The following C16orf96 variants were observed in gnomAD, a reference collection of about 807,000 sequenced individuals.
The protein encoded by C16orf96 is chromosome 16 open reading frame 96.
Under a neutral mutation model 103.6 loss-of-function variants are expected in C16orf96, and 108 were observed. The observed-to-expected ratio is 1.04, with a 90% confidence interval of 0.89 to 1.22. The LOEUF (loss-of-function observed/expected upper bound fraction) is 1.22. Among genes scored for constraint, C16orf96 ranks in the 50% most tolerant of loss-of-function variants. The pLI, the probability that C16orf96 is intolerant of heterozygous loss-of-function variation, is 0.00. For missense variants in C16orf96, 1,586 were observed against 1,464.2 expected, an observed-to-expected ratio of 1.08 and a Z score of -1.36; for synonymous variants, 566 against 593.5, an observed-to-expected ratio of 0.95 and a Z score of 0.67.
intron 14 of C16orf96, among the ~76,000 whole-genome samples, chr16:4,598,654 G>A (rs1897224048): frequency 6.6e-6 from 1 of 152,166 alleles, no homozygotes; most frequent in Non-Finnish European, 1.5e-5. Context: ...CAGGAAGATG[G>A]GGGCATTTAG....
chr16:4,587,287 G>A (rs375275693), intron 8 of C16orf96, among the ~76,000 whole-genome samples, 174 bp downstream of exon 8: 6 of 152,178 alleles, frequency 3.9e-5, no homozygotes, highest in Admixed American at 2.6e-4. Context: ...ACTTTGGGAG[G>A]CCAAGGCGGG....
chr16:4,586,598 T>C (rs1330120601), intron 7 of C16orf96, among the ~76,000 whole-genome samples: 2 of 152,178 alleles, frequency 1.3e-5, no homozygotes, highest in Non-Finnish European at 2.9e-5. Flanking sequence ...TGTGGAGTTG[T>C]GGGGATAGGA....
chr16:4,551,945 A>G (rs926792415), upstream of C16orf96, among the ~76,000 whole-genome samples: 1 of 151,852 alleles, frequency 6.6e-6, no homozygotes, highest in African/African-American at 2.4e-5. Context: ...CCGGTGTGTG[A>G]CATTCCCCTC....
chr16:4,587,224 A>G (rs189581682), intron 8 of C16orf96, 111 bp downstream of exon 8: 1 of 1,073,812 alleles, frequency 9.3e-7, no homozygotes, highest in Non-Finnish European at 1.4e-6. Context: ...CCCTTTGTTC[A>G]TATTGAAACC....
chr16:4,595,001 C>T lies in C16orf96; in HGVS notation c.3127+198C>T, dbSNP rs35097394. Among the ~76,000 whole-genome samples, 682 of 152,220 alleles carry T rather than the reference C, an allele frequency of 4.5e-3. 9 individuals are homozygous for T. The highest frequency in any genetic ancestry group is 0.015 in the African/African-American group (640 of 41,528). On this transcript the variant is annotated intron_variant, in intron 14 of 15. Transcript: ENST00000444310. ...CAATGGGGGAGGGAGACCGCGGGAGCGAGGATCTGCTGTTCCCGAGATCAA... is the reference window on the plus strand; with the variant it reads ...CAATGGGGGAGGGAGACCGCGGGAGTGAGGATCTGCTGTTCCCGAGATCAA...
chr16:4,580,318 C>CCA (rs762307164), intron 7 of C16orf96, among the ~76,000 whole-genome samples, 193 bp downstream of exon 7: 11 of 132,752 alleles, frequency 8.3e-5, no homozygotes, highest in Non-Finnish European at 1.6e-4. Context: ...CCACCCCCCC[C>CCA]CACCCATATA....
chr16:4,546,040 G>C, the C16orf96 span, among the ~76,000 whole-genome samples: 61,343 of 150,782 alleles, frequency 0.41, 14,111 homozygotes, highest in African/African-American at 0.64. Flanking sequence ...AGTAGAGATG[G>C]GGTTTCAGCA....
At chr16:4,584,431 T>C (rs1896869317) in intron 7 of C16orf96, among the ~76,000 whole-genome samples, 1 of 148,054 alleles carries the variant, frequency 6.8e-6, no homozygotes, top group East Asian at 2.0e-4. Context: ...CATTGTAACC[T>C]CCGCCTCCCG....
intron 1 of C16orf96, among the ~76,000 whole-genome samples, chr16:4,565,936 G>C (rs2141702464): frequency 6.6e-6 from 1 of 151,400 alleles, no homozygotes; most frequent in East Asian, 1.9e-4. Context: ...TCAAACTCCT[G>C]GTCTCAAGCG....
At chr16:4,540,720 C>G in the C16orf96 span, among the ~76,000 whole-genome samples, 1 of 151,716 alleles carries the variant, frequency 6.6e-6, no homozygotes, top group African/African-American at 2.4e-5. Flanking sequence ...GAGCAAAACT[C>G]TCTCAAAATA....
intron 1 of C16orf96, among the ~76,000 whole-genome samples, 161 bp downstream of exon 1, chr16:4,557,070 A>C (rs2059273455): frequency 6.6e-6 from 1 of 152,096 alleles, no homozygotes; most frequent in Non-Finnish European, 1.5e-5. Flanking sequence ...CCCGGGTTCA[A>C]GTGATTCTCC....
Position 4,593,178 on chromosome 16 carries a change from C to A in C16orf96, c.2775-46C>A. ...GGTGGGAGACGAGCCCTCTGCTGGCCTAGCACGCCTCCCACAGCCCCTGCT... is the reference window on the plus strand; with the variant it reads ...GGTGGGAGACGAGCCCTCTGCTGGCATAGCACGCCTCCCACAGCCCCTGCT... On this transcript the variant is annotated intron_variant, in intron 11 of 15. Coordinates refer to ENST00000444310, the MANE Select transcript of C16orf96 (RefSeq NM_001145011.2). The surrounding 1 kb of genome is among the most constrained non-coding windows in gnomAD (Gnocchi z 4.2). The A allele has an allele frequency of 3.9e-6, 6 of 1,526,450 alleles. No individual in the cohort carries two copies. The highest frequency in any genetic ancestry group is 3.6e-6 in the Non-Finnish European group (4 of 1,125,270). 94.6% of individuals were successfully genotyped at this position (1,526,450 alleles called of 1,614,324 possible).
upstream of C16orf96, among the ~76,000 whole-genome samples, chr16:4,555,332 G>C (rs1474176719): frequency 1.3e-5 from 2 of 151,070 alleles, no homozygotes; most frequent in Admixed American, 6.6e-5. Flanking sequence ...AACACTGTGG[G>C]GGGCCTTTGG....
intron 10 of C16orf96, 75 bp downstream of exon 10, chr16:4,591,859 G>C (rs957596762): frequency 1.7e-6 from 2 of 1,181,072 alleles, no homozygotes; most frequent in Non-Finnish European, 2.5e-6. Context: ...TGGAAGCTCT[G>C]GGAGGAAAGA....
chr16:4,591,344 A>T (rs1897054717), intron 9 of C16orf96, among the ~76,000 whole-genome samples: 1 of 152,178 alleles, frequency 6.6e-6, no homozygotes, highest in Non-Finnish European at 1.5e-5. Context: ...GTGCAGTGGG[A>T]CCATTGCCAG....
chr16:4,575,103 GGC>G (rs1335419633), intron 4 of C16orf96, 45 bp downstream of exon 4: 1 of 1,549,794 alleles, frequency 6.5e-7, no homozygotes, highest in Admixed American at 2.0e-5. Flanking sequence ...CTGGGGAGCA[GGC>G]GGGTGGCTGA....
At position 4,576,545 on chromosome 16, in the gene C16orf96, C is replaced by T; in HGVS notation, c.2065C>T (p.His689Tyr). Residue 689 changes from histidine (H) to tyrosine (Y), a missense_variant, in exon 5 of 16, where the codon CAC (histidine) becomes TAC (tyrosine). By Grantham distance (83) the His-to-Tyr change is moderately conservative (BLOSUM62 2). Coordinates refer to ENST00000444310, the MANE Select transcript of C16orf96 (RefSeq NM_001145011.2). ...KKRAVKYSMS[H>Y]IAQIPVKHDS... is the part of the protein sequence containing the mutation. ...GAGGGCTGTCAAGTATTCCATGAGC[C>T]ACATAGCCCAGATACCTGTCAAACA... is the stretch of plus-strand genomic sequence containing the variant. 1 of 1,551,540 alleles carries T rather than the reference C, an allele frequency of 6.4e-7. No homozygotes were observed. Among genetic ancestry groups the T allele is most frequent in the Non-Finnish European group, 8.7e-7 (1 of 1,146,954 alleles).
chr16:4,538,756 GCTGGCAGTCGCA>G, the C16orf96 span: 1 of 152,260 alleles, frequency 6.6e-6, no homozygotes, highest in East Asian at 1.9e-4. Context: ...CGCCTCGGCA[GCTGGCAGTCGCA>G]CTTCTGTCAC....
chr16:4,545,582 C>T, the C16orf96 span, among the ~76,000 whole-genome samples: 1 of 152,158 alleles, frequency 6.6e-6, no homozygotes, highest in Non-Finnish European at 1.5e-5. Flanking sequence ...CATCATCCTC[C>T]AGGTGATATT....
Sources: gnomAD v4.1 joint callset for allele counts (sites outside exome capture counted in the v4.1 genomes callset) on GRCh38, gnomAD v4.1.1 for gene constraint, Gnocchi (gnomAD v3.1) non-coding constraint, MANE v1.5 for transcripts, NCBI Gene and HGNC (gene_info 2026-07-23, HGNC 2026-07-21) for gene names.